MUSK: variants seen among roughly 807,000 people sequenced by gnomAD.
MUSK encodes muscle associated receptor tyrosine kinase.
A neutral mutation model predicts 88.7 loss-of-function variants in MUSK; 55 were observed. The ratio of observed to expected loss-of-function variants is 0.62; its 90% CI spans 0.50 to 0.78. The LOEUF (loss-of-function observed/expected upper bound fraction) is 0.78, where lower values mean the gene tolerates loss of function less well. Among genes scored for constraint, MUSK ranks in the 30% least tolerant of loss-of-function variants. The pLI, the probability that MUSK is intolerant of heterozygous loss-of-function variation, is 0.00. For synonymous variants in MUSK, 387 were observed against 391.9 expected (o/e 0.99, Z 0.15); for missense variants, 1,015 against 1,074.3 (o/e 0.94, Z 0.77).
chr9:110,757,185 T>G (rs1388396247), intron 7 of MUSK, among the ~76,000 whole-genome samples: 1 of 152,122 alleles, frequency 6.6e-6, no homozygotes, highest in Non-Finnish European at 1.5e-5. Context: ...ATTGGCTGGA[T>G]ACAGTGGCTC....
rs1217917603 is a variant in MUSK at position 110,694,215 on chromosome 9, C to CAAAAA, written c.359-1171_359-1167dup. Among the ~76,000 whole-genome samples, 185 of 72,086 alleles carry CAAAAA rather than the reference C, an allele frequency of 2.6e-3. 1 individual carries two copies. Among genetic ancestry groups the CAAAAA allele is most frequent in the African/African-American group, 9.4e-3 (174 of 18,506 alleles). 47.3% of individuals were successfully genotyped at this position (72,086 alleles called of 152,430 possible). Reference sequence around the variant, plus strand: ...TGAAACCCCGTCTCCACTAAAAATACAAAAAAAAAAAAAAAAAAAAATTAG... The same window carrying CAAAAA: ...TGAAACCCCGTCTCCACTAAAAATACAAAAAAAAAAAAAAAAAAAAAAAAAATTAG... On this transcript the variant is annotated intron_variant, in intron 3 of 14. Transcript: ENST00000374448.
intron 7 of MUSK, among the ~76,000 whole-genome samples, chr9:110,750,072 TAC>T (rs961320364): frequency 4.6e-5 from 6 of 130,574 alleles, no homozygotes; most frequent in Non-Finnish European, 1.1e-4. Context: ...TGTGTTTATA[TAC>T]ACACACATGG....
chr9:110,734,545 C>T (rs1341162745), intron 6 of MUSK, among the ~76,000 whole-genome samples, 170 bp downstream of exon 6: 1 of 152,104 alleles, frequency 6.6e-6, no homozygotes, highest in East Asian at 1.9e-4. Flanking sequence ...AGAAATCAAA[C>T]TCCAAGAGTT....
At chr9:110,749,030 A>G (rs1033042388) in intron 7 of MUSK, among the ~76,000 whole-genome samples, 1 of 152,162 alleles carries the variant, frequency 6.6e-6, no homozygotes, top group Non-Finnish European at 1.5e-5. Context: ...TTAACAAATA[A>G]TAATAATATC....
intron 8 of MUSK, among the ~76,000 whole-genome samples, chr9:110,764,149 G>A (rs561299012): frequency 1.6e-4 from 24 of 152,258 alleles, no homozygotes; most frequent in South Asian, 8.3e-4. Context: ...TGATGATTCC[G>A]AAATAACCAG....
intron 1 of MUSK, among the ~76,000 whole-genome samples, chr9:110,680,638 G>T (rs1312300481): frequency 6.6e-6 from 1 of 151,362 alleles, no homozygotes; most frequent in Non-Finnish European, 1.5e-5. Context: ...TGCCCTCCTC[G>T]GCCTCCCAAA....
intron 11 of MUSK, among the ~76,000 whole-genome samples, chr9:110,782,199 T>C (rs1399673629): frequency 6.6e-6 from 1 of 152,100 alleles, no homozygotes; most frequent in African/African-American, 2.4e-5. Flanking sequence ...CCCGTAGTGT[T>C]CAGAGGAAAA....
At chr9:110,688,243 T>C (rs1386314522) in intron 3 of MUSK, among the ~76,000 whole-genome samples, 2 of 152,092 alleles carry the variant, frequency 1.3e-5, no homozygotes, top group African/African-American at 2.4e-5. Flanking sequence ...TATCTTTCTA[T>C]CCATCTCTAC....
Position 110,687,252 on chromosome 9 carries a change from C to A in MUSK, c.342C>A (p.Ala114=), listed in dbSNP as rs1247478662. 1.2e-6 allele frequency: 2 copies of A among 1,613,634 alleles called. No individual in the cohort carries two copies. Among genetic ancestry groups the A allele is most frequent in the East Asian group, 2.2e-5 (1 of 44,864 alleles). The change falls in exon 3 of 15, where the codon GCC becomes GCA. Residue 114 remains alanine (A), a synonymous_variant. Coordinates refer to ENST00000374448, the MANE Select transcript of MUSK (RefSeq NM_005592.4). ...GVGGAVESCG[A]LQVKMKPKIT... Reference sequence around the variant, plus strand: ...GAGGAGCTGTGGAGAGTTGTGGAGCCCTGCAAGTGAAGATGAGTGAGTGGG... The same window carrying A: ...GAGGAGCTGTGGAGAGTTGTGGAGCACTGCAAGTGAAGATGAGTGAGTGGG...
In MUSK at chr9:110,734,272, C is replaced by A. The variant is rs373491066; in HGVS notation, c.650C>A (p.Ala217Asp). Residue 217 changes from alanine to aspartate, a missense_variant, in exon 6 of 15, where the codon GCT becomes GAT. Coordinates refer to ENST00000374448, the MANE Select transcript of MUSK (RefSeq NM_005592.4). ...ACAGTTTTTGCCAGGATCCTGCGGG[C>A]TCCTGAATCCCACAATGTCACCTTT... ...EVEVFARILR[A>D]PESHNVTFGS... The A allele has an allele frequency of 1.2e-6, 2 of 1,612,902 alleles. No individual in the cohort carries two copies. The highest frequency in any genetic ancestry group is 1.7e-6 in the Non-Finnish European group (2 of 1,179,330).
At chr9:110,749,208 T>C (rs960873246) in intron 7 of MUSK, among the ~76,000 whole-genome samples, 1 of 152,188 alleles carries the variant, frequency 6.6e-6, no homozygotes, top group African/African-American at 2.4e-5. Context: ...TAAAAATGGG[T>C]CCTGCCTTCC....
In MUSK at chr9:110,767,844, C is replaced by T; in HGVS notation, c.945C>T (p.Gly315=). The change falls in exon 9 of 15, where the codon GGC becomes GGT. Residue 315 remains glycine (G), a synonymous_variant. Transcript: ENST00000374448. ...EWSKPQKDNK[G]YCAQYRGEVC... The stretch of plus-strand genomic sequence containing the variant: ...GTAAACCACAGAAAGATAACAAAGG[C>T]TACTGCGCCCAGTACAGAGGGGAGG... The T allele has an allele frequency of 6.2e-7, 1 of 1,613,916 alleles. No homozygotes were observed. Among genetic ancestry groups the T allele is most frequent in the Non-Finnish European group, 8.5e-7 (1 of 1,179,860 alleles).
chr9:110,690,124 A>AAATATATAAATATAGAAATATATATT (rs1564219090), intron 3 of MUSK, among the ~76,000 whole-genome samples: 1 of 94,706 alleles, frequency 1.1e-5, no homozygotes, highest in African/African-American at 4.4e-5. Flanking sequence ...TATATATTAT[A>AAATATATAAATATAGAAATATATATT]TAAGTATAAA....
intron 3 of MUSK, among the ~76,000 whole-genome samples, chr9:110,691,294 A>G (rs893275331): frequency 6.6e-6 from 1 of 152,126 alleles, no homozygotes; most frequent in Non-Finnish European, 1.5e-5. Context: ...GCCTTGTCAG[A>G]TGAGCAAAAC....
At chr9:110,788,437 G>A (rs1184957666) in intron 14 of MUSK, among the ~76,000 whole-genome samples, 1 of 151,916 alleles carries the variant, frequency 6.6e-6, no homozygotes, top group Non-Finnish European at 1.5e-5. Context: ...TTTGACACCA[G>A]CCTGGCGAAC....
In MUSK at chr9:110,725,592, C is replaced by A. The variant is rs117056043; in HGVS notation, c.629-8659C>A. Among the ~76,000 whole-genome samples the A allele has an allele frequency of 8.7e-3, 1,319 of 151,994 alleles. 12 individuals are homozygous for A. The highest frequency in any genetic ancestry group is 0.013 in the Non-Finnish European group (854 of 67,896). ...ATTCTAAATACCCTATTGGACAGTT[C>A]CAACAAAATAGGATGAAAATGCCCC... On this transcript the variant is annotated intron_variant, in intron 5 of 14. Transcript: ENST00000374448.
At chr9:110,799,852 T>C (rs971414863) in intron 14 of MUSK, among the ~76,000 whole-genome samples, 7 of 152,054 alleles carry the variant, frequency 4.6e-5, no homozygotes, top group African/African-American at 1.4e-4. Flanking sequence ...GGGAGAGTGA[T>C]AAACTGAATC....
chr9:110,785,440 A>T, intron 12 of MUSK, 87 bp from the exon 13 acceptor site: 10 of 1,142,734 alleles, frequency 8.8e-6, no homozygotes, highest in Non-Finnish European at 1.2e-5. Flanking sequence ...TTACTCTTAA[A>T]TGCCATATTT....
intron 7 of MUSK, among the ~76,000 whole-genome samples, chr9:110,752,177 TC>T (rs1222440986): frequency 6.6e-6 from 1 of 152,148 alleles, no homozygotes; most frequent in Non-Finnish European, 1.5e-5. Flanking sequence ...TGAGACAACT[TC>T]CATTTTCTCT....
Sources: gnomAD v4.1 joint callset for allele counts (sites outside exome capture counted in the v4.1 genomes callset) on GRCh38, gnomAD v4.1.1 for gene constraint, MANE v1.5 for transcripts, NCBI Gene and HGNC (gene_info 2026-07-23, HGNC 2026-07-21) for gene names.